EGFL6: variants seen among roughly 807,000 people sequenced by gnomAD.
EGFL6 encodes the protein EGF like domain multiple 6, also known as epidermal growth factor-like protein 6.
In EGFL6, 42 loss-of-function variants were observed where a neutral mutation model predicts 43.1. The observed-to-expected ratio is 0.98, with a 90% CI of 0.76 to 1.26. EGFL6 has a LOEUF of 1.26. Ranked by LOEUF, EGFL6 falls within the 50% of genes most tolerant of loss-of-function variation. The probability of loss-of-function intolerance (pLI) is 0.00; values close to 1 mark genes in which losing one functional copy is unlikely to be tolerated. For synonymous variants in EGFL6, 164 were observed against 163.2 expected (o/e 1.01, Z -0.04); for missense variants, 429 against 427.8 (o/e 1.00, Z -0.02).
At chrX:13,600,443 C>T (rs752024812) in intron 4 of EGFL6, among the ~76,000 whole-genome samples, 8 of 107,686 alleles carry the variant, frequency 7.4e-5, no homozygotes, top group Admixed American at 4.0e-4. Context: ...CATGCCACCA[C>T]GCCTGGCTAC....
chrX:13,577,679 T>G (rs1401748324), intron 1 of EGFL6, among the ~76,000 whole-genome samples: 1 of 111,312 alleles, frequency 9.0e-6, no homozygotes, highest in African/African-American at 3.3e-5. Flanking sequence ...AATGAATGGA[T>G]GGATAGATAC....
chrX:13,623,752 C>A, intron 9 of EGFL6, 72 bp from the exon 10 acceptor site: 1 of 879,094 alleles, frequency 1.1e-6, no homozygotes, highest in African/African-American at 2.0e-5. Flanking sequence ...GTATTGCCTT[C>A]CAAAGCCCCA....
At chrX:13,571,938 C>T (rs2045445396) in intron 1 of EGFL6, among the ~76,000 whole-genome samples, 1 of 112,211 alleles carries the variant, frequency 8.9e-6, no homozygotes, top group African/African-American at 3.2e-5. Flanking sequence ...ATAGGAAAAA[C>T]TGTGGCTGCT....
At chrX:13,626,910 A>G (rs2045783330) in intron 10 of EGFL6, 101 bp from the exon 11 acceptor site, 6 of 909,721 alleles carry the variant, frequency 6.6e-6, no homozygotes, top group Non-Finnish European at 1.5e-6. Flanking sequence ...AGCTTTCCCT[A>G]TAGGAGACTA....
chrX:13,603,189 C>A, intron 4 of EGFL6, 128 bp from the exon 5 acceptor site: 1 of 813,444 alleles, frequency 1.2e-6, no homozygotes, highest in Non-Finnish European at 1.7e-6. Context: ...GGGACTCAGA[C>A]AATGAAACTT....
intron 7 of EGFL6, among the ~76,000 whole-genome samples, chrX:13,612,641 A>G (rs1373020884): frequency 9.2e-6 from 1 of 108,638 alleles, no homozygotes; most frequent in Non-Finnish European, 1.9e-5. Flanking sequence ...GGCACCCCCC[A>G]CCTCCCAGAC....
chrX:13,582,056 CTTTTCT>C (rs1379016546), intron 1 of EGFL6, among the ~76,000 whole-genome samples: 2 of 98,131 alleles, frequency 2.0e-5, no homozygotes, highest in Admixed American at 2.3e-4. Context: ...TATTCTATTT[CTTTTCT>C]TTTTTTTTTT....
chrX:13,613,558 A>G (rs893318634), intron 7 of EGFL6, among the ~76,000 whole-genome samples: 3 of 111,547 alleles, frequency 2.7e-5, no homozygotes, highest in African/African-American at 9.8e-5. Flanking sequence ...CTACCTGTGG[A>G]GTGAGAACAA....
At chrX:13,583,247 A>T (rs1244412380) in intron 1 of EGFL6, among the ~76,000 whole-genome samples, 1 of 110,366 alleles carries the variant, frequency 9.1e-6, no homozygotes, top group Non-Finnish European at 1.9e-5. Flanking sequence ...GGCACAGGCT[A>T]TTTTTTCTGC....
chrX:13,587,339 T>C (rs930199681), intron 1 of EGFL6, among the ~76,000 whole-genome samples: 1 of 111,997 alleles, frequency 8.9e-6, no homozygotes, highest in Non-Finnish European at 1.9e-5. Context: ...TTGCCCATAG[T>C]TTCTTCTTTT....
At chrX:13,601,902 A>C (rs1242942794) in intron 4 of EGFL6, among the ~76,000 whole-genome samples, 1 of 111,625 alleles carries the variant, frequency 9.0e-6, no homozygotes, top group Non-Finnish European at 1.9e-5. Flanking sequence ...GATGTACGCT[A>C]ATGGATGTTT....
intron 11 of EGFL6, among the ~76,000 whole-genome samples, chrX:13,628,924 T>G (rs2045796666): frequency 8.8e-6 from 1 of 113,005 alleles, no homozygotes; most frequent in Non-Finnish European, 1.9e-5. Context: ...AATTAGTAGA[T>G]CCATGTATTG....
At chrX:13,577,904 T>A (rs1396568229) in intron 1 of EGFL6, among the ~76,000 whole-genome samples, 1 of 112,015 alleles carries the variant, frequency 8.9e-6, no homozygotes, top group East Asian at 2.8e-4. Flanking sequence ...CTGTGTTCTT[T>A]AAAGTTAACA....
chrX:13,573,457 C>T (rs745839585), intron 1 of EGFL6, among the ~76,000 whole-genome samples: 8 of 112,026 alleles, frequency 7.1e-5, no homozygotes, highest in Non-Finnish European at 1.3e-4. Context: ...TTCTGGGCAG[C>T]CTTATTTCAA....
At chrX:13,616,128 A>T (rs1270112658) in intron 7 of EGFL6, among the ~76,000 whole-genome samples, 2 of 112,272 alleles carry the variant, frequency 1.8e-5, no homozygotes, top group Non-Finnish European at 1.9e-5. Flanking sequence ...ATATCAGTGT[A>T]TTTAATTTTT....
intron 1 of EGFL6, among the ~76,000 whole-genome samples, chrX:13,586,203 A>C (rs760522753): frequency 1.8e-4 from 20 of 112,069 alleles, no homozygotes; most frequent in Admixed American, 1.7e-3. Flanking sequence ...CTACTTCTCA[A>C]GCATTAGGAT....
At chrX:13,621,275 G>T in intron 9 of EGFL6, among the ~76,000 whole-genome samples, 1 of 112,239 alleles carries the variant, frequency 8.9e-6, no homozygotes. Context: ...GGCAACTGGA[G>T]CTCAATCCCA....
At chrX:13,621,340 A>G (rs970885739) in intron 9 of EGFL6, among the ~76,000 whole-genome samples, 2 of 111,818 alleles carry the variant, frequency 1.8e-5, no homozygotes, top group Non-Finnish European at 3.8e-5. Context: ...ATCCTACTGA[A>G]GGAGTAAGGA....
chrX:13,570,497 G>C (rs921394369), intron 1 of EGFL6, among the ~76,000 whole-genome samples: 2 of 111,865 alleles, frequency 1.8e-5, no homozygotes, highest in Non-Finnish European at 3.8e-5. Context: ...GGAAAGAAAG[G>C]ACACGGTTGT....
Sources: gnomAD v4.1 joint callset for allele counts (sites outside exome capture counted in the v4.1 genomes callset) on GRCh38, gnomAD v4.1.1 for gene constraint, MANE v1.5 for transcripts, NCBI Gene and HGNC (gene_info 2026-07-23, HGNC 2026-07-21) for gene names.